Variants in TTLL7 observed in about 807,000 individuals in gnomAD.
TTLL7 encodes tubulin polyglutamylase TTLL7.
TTLL7 carries 53 observed loss-of-function variants against 120.2 expected under a neutral mutation model. The observed-to-expected ratio is 0.44, with a 90% confidence interval of 0.35 to 0.55. The LOEUF is 0.55. Among genes scored for constraint, TTLL7 ranks in the 20% least tolerant of loss-of-function variants. The probability of loss-of-function intolerance (pLI) is 0.00; values close to 1 mark genes in which losing one functional copy is unlikely to be tolerated. For missense variants in TTLL7, 803 were observed against 1,054.7 expected (o/e 0.76, Z 3.31); for synonymous variants, 353 against 351.7 (o/e 1.00, Z -0.04).
chr1:83,916,940 AT>A (rs570806640), intron 14 of TTLL7, among the ~76,000 whole-genome samples: 3 of 151,368 alleles, frequency 2.0e-5, no homozygotes, highest in South Asian at 2.1e-4. Context: ...AAAAAGAAGA[AT>A]TTTTTTTTAA....
intron 1 of TTLL7, among the ~76,000 whole-genome samples, chr1:83,961,738 T>A (rs1033698322): frequency 7.2e-5 from 11 of 152,270 alleles, no homozygotes; most frequent in African/African-American, 2.6e-4. Flanking sequence ...ATATTTCTCC[T>A]ACAACATAAT....
intron 1 of TTLL7, among the ~76,000 whole-genome samples, chr1:83,991,315 A>C (rs1427708188): frequency 6.6e-6 from 1 of 152,188 alleles, no homozygotes; most frequent in Non-Finnish European, 1.5e-5. Flanking sequence ...TCTGCACTGT[A>C]CATTTAAAAA....
intron 20 of TTLL7, among the ~76,000 whole-genome samples, chr1:83,877,859 G>A (rs931259628): frequency 2.0e-5 from 3 of 150,698 alleles, no homozygotes; most frequent in Admixed American, 6.6e-5. Flanking sequence ...ATTTTTTTCT[G>A]TATTCTTTGG....
At chr1:83,952,412 AT>A in intron 1 of TTLL7, 25 bp from the exon 2 acceptor site, 1 of 470,872 alleles carries the variant, frequency 2.1e-6, no homozygotes, top group Non-Finnish European at 3.6e-6. Context: ...AAACAAGGTC[AT>A]TTAGAAAAAA....
At chr1:83,935,972 T>C (rs1053604001) in intron 8 of TTLL7, among the ~76,000 whole-genome samples, 8 of 152,286 alleles carry the variant, frequency 5.3e-5, no homozygotes, top group African/African-American at 1.2e-4. Flanking sequence ...TAACTGATTG[T>C]TTATAGATGA....
rs184020221 is a variant in TTLL7, at chr1:83,988,084, G to A, written c.-177+10847C>T. On this transcript the variant is annotated intron_variant, in intron 1 of 20. Transcript: ENST00000260505. ...CAGAGTCTATTGTTGTCATCTTTACGTCCATGAGTACCCAATGTTTAGCTG... is the reference window on the plus strand; with the variant it reads ...CAGAGTCTATTGTTGTCATCTTTACATCCATGAGTACCCAATGTTTAGCTG... Among the ~76,000 whole-genome samples, 17 of 152,104 alleles carry A rather than the reference G, an allele frequency of 1.1e-4. No individual in the cohort carries two copies. The East Asian group carries it at 1.5e-3, about 14-fold the overall frequency.
At chr1:83,923,762 G>A (rs1423023564) in intron 10 of TTLL7, among the ~76,000 whole-genome samples, 1 of 152,100 alleles carries the variant, frequency 6.6e-6, no homozygotes, top group Non-Finnish European at 1.5e-5. Flanking sequence ...CCACAGGCCA[G>A]AATAAAAATT....
intron 18 of TTLL7, among the ~76,000 whole-genome samples, chr1:83,892,321 TATATATGTATATATGA>T (rs1655592088): frequency 2.2e-5 from 1 of 45,368 alleles, no homozygotes; most frequent in Non-Finnish European, 5.0e-5. Context: ...TATATATGAA[TATATATGTATATATGA>T]ATATATATAC....
intron 1 of TTLL7, among the ~76,000 whole-genome samples, chr1:83,990,600 AG>A (rs1241413112): frequency 6.6e-6 from 1 of 152,260 alleles, no homozygotes; most frequent in Non-Finnish European, 1.5e-5. Context: ...GCAAATGAAA[AG>A]ATGTCCAATG....
At chr1:83,934,669 G>T (rs1369080602) in intron 8 of TTLL7, among the ~76,000 whole-genome samples, 1 of 152,036 alleles carries the variant, frequency 6.6e-6, no homozygotes. Context: ...ATTTATTTTT[G>T]CTCAGAAGAC....
At chr1:83,983,113 G>A (rs1328813797) in intron 1 of TTLL7, among the ~76,000 whole-genome samples, 1 of 152,100 alleles carries the variant, frequency 6.6e-6, no homozygotes, top group African/African-American at 2.4e-5. Flanking sequence ...AGGTGGAGCA[G>A]TTGAGGTCAG....
Position 83,906,436 on chromosome 1 carries a change from T to C in TTLL7, c.2020A>G (p.Lys674Glu). The C allele has an allele frequency of 6.2e-7, 1 of 1,612,184 alleles. No homozygotes were observed. Among genetic ancestry groups the C allele is most frequent in the Non-Finnish European group, 8.5e-7 (1 of 1,178,894 alleles). Residue 674 changes from lysine to glutamate, a missense_variant, in exon 17 of 21, where the codon AAA becomes GAA. By Grantham distance (56) the Lys-to-Glu change is moderately conservative. Transcript: ENST00000260505. ...VSESLRQLKT[K>E]EQEDDLTSQT... ...CTTGTTAGATCATCTTCTTGTTCTT[T>C]TGTTTTCAGTTGCCGCAAAGACTCA... is the stretch of plus-strand genomic sequence containing the variant.
intron 9 of TTLL7, among the ~76,000 whole-genome samples, chr1:83,933,060 G>A (rs1659737077): frequency 6.6e-6 from 1 of 152,138 alleles, no homozygotes; most frequent in African/African-American, 2.4e-5. Flanking sequence ...CCCTACCAGG[G>A]ACTGGCAGCA....
At chr1:83,961,628 C>G (rs557335559) in intron 1 of TTLL7, among the ~76,000 whole-genome samples, 49 of 152,094 alleles carry the variant, frequency 3.2e-4, no homozygotes, top group African/African-American at 1.2e-3. Flanking sequence ...AAGTTCAAAG[C>G]AAATAACAGC....
chr1:83,961,593 TACTC>T (rs1650022595), intron 1 of TTLL7, among the ~76,000 whole-genome samples: 1 of 152,120 alleles, frequency 6.6e-6, no homozygotes, highest in Non-Finnish European at 1.5e-5. Flanking sequence ...GAGAAAATCT[TACTC>T]AATAAGTGGT....
intron 1 of TTLL7, among the ~76,000 whole-genome samples, chr1:83,984,557 A>G (rs978317142): frequency 6.6e-6 from 1 of 152,254 alleles, no homozygotes; most frequent in Non-Finnish European, 1.5e-5. Context: ...GGATAAATAC[A>G]ATGTGGTACA....
At chr1:83,942,429 A>C in intron 7 of TTLL7, 34 bp downstream of exon 7, 1 of 1,533,174 alleles carries the variant, frequency 6.5e-7, no homozygotes, top group Non-Finnish European at 9.0e-7. Context: ...TTGACAAATG[A>C]ATGAAAAGAT....
rs117620144 is a variant in TTLL7 at position 83,911,166 on chromosome 1, G to C, written c.1785C>G (p.Pro595=). ...CTAAATTAGAAGAAATTGACTTACT[G>C]GGTTGTTGAATTAATTTGTAGTGGT... ...PSNHYKLIQQ[P]SSIRRSVSCP... is the part of the protein sequence containing the mutation. The change falls in exon 15 of 21, where the codon CCC becomes CCG. Residue 595 remains proline, a splice_region_variant and synonymous_variant. Transcript: ENST00000260505. 3.1e-6 allele frequency: 5 copies of C among 1,603,348 alleles called. No homozygotes were observed. The highest frequency in any genetic ancestry group is 2.6e-6 in the Non-Finnish European group (3 of 1,171,640).
intron 20 of TTLL7, among the ~76,000 whole-genome samples, chr1:83,881,226 C>G (rs1022044316): frequency 4.6e-5 from 7 of 151,514 alleles, no homozygotes; most frequent in Non-Finnish European, 1.0e-4. Context: ...GCAAAAAAAG[C>G]CAAAATTGAC....
Sources: allele counts gnomAD v4.1 joint callset (sites outside exome capture counted in the v4.1 genomes callset), GRCh38; gene constraint gnomAD v4.1.1; transcripts MANE v1.5; gene names NCBI Gene and HGNC (gene_info 2026-07-23, HGNC 2026-07-21).